The following CTNNA2 variants were observed in gnomAD, a reference collection of about 807,000 sequenced individuals.
The protein encoded by CTNNA2 is catenin alpha-2.
A neutral mutation model predicts 101.0 loss-of-function variants in CTNNA2; 42 were observed. The observed-to-expected ratio is 0.42, with a 90% CI of 0.32 to 0.54. The LOEUF is 0.54. CTNNA2 is among the 20% of genes least tolerant of loss of function. The pLI is 0.14. For missense variants in CTNNA2, 871 were observed against 1,223.1 expected, an observed-to-expected ratio of 0.71 and a Z score of 4.29; for synonymous variants, 450 against 456.4, an observed-to-expected ratio of 0.99 and a Z score of 0.18.
intron 2 of CTNNA2, among the ~76,000 whole-genome samples, chr2:79,219,711 T>C (rs922229925): frequency 2.0e-5 from 3 of 152,218 alleles, no homozygotes; most frequent in African/African-American, 7.2e-5. Context: ...ATAAAGTATC[T>C]GCAAGCTTAA....
At chr2:79,782,517 G>A (rs2902091) in intron 3 of CTNNA2, among the ~76,000 whole-genome samples, 41,258 of 152,052 alleles carry the variant, frequency 0.27, 6,135 homozygotes, top group East Asian at 0.51. Context: ...AATTACAGGC[G>A]TGAGCCACCG....
At chr2:80,376,466 GAA>G (rs5832451) in intron 7 of CTNNA2, among the ~76,000 whole-genome samples, 83 of 125,634 alleles carry the variant, frequency 6.6e-4, no homozygotes, top group African/African-American at 1.2e-3. Flanking sequence ...GTAGAAACAG[GAA>G]AAAAAAAAAA....
intron 1 of CTNNA2, among the ~76,000 whole-genome samples, chr2:79,569,771 A>G (rs535074407): frequency 1.3e-5 from 2 of 152,202 alleles, no homozygotes; most frequent in African/African-American, 4.8e-5. Context: ...TTACTTTTTT[A>G]AGTAAGTTAA....
chr2:80,241,652 C>A (rs1670952035), intron 7 of CTNNA2, among the ~76,000 whole-genome samples: 1 of 151,492 alleles, frequency 6.6e-6, no homozygotes, highest in African/African-American at 2.4e-5. Flanking sequence ...TAGGCCTATA[C>A]ATAATTTCTA....
At chr2:79,354,754 A>G (rs940935780) in intron 3 of CTNNA2, among the ~76,000 whole-genome samples, 4 of 152,156 alleles carry the variant, frequency 2.6e-5, no homozygotes, top group African/African-American at 9.7e-5. Flanking sequence ...ATTGCCCTGC[A>G]GTTGCTCCAC....
At chr2:79,390,440 C>A (rs1678159144) in intron 4 of CTNNA2, among the ~76,000 whole-genome samples, 1 of 152,146 alleles carries the variant, frequency 6.6e-6, no homozygotes, top group Non-Finnish European at 1.5e-5. Flanking sequence ...TCTCTTTCTT[C>A]AAATTGCAGT....
At position 80,184,509 on chromosome 2, in the gene CTNNA2, C is replaced by T. The variant is rs148653846; in HGVS notation, c.1057-208702C>T. 1.6e-3 allele frequency among the ~76,000 whole-genome samples: 238 copies of T among 152,198 alleles called. 1 individual carries two copies. Among genetic ancestry groups the T allele is most frequent in the African/African-American group, 5.4e-3 (223 of 41,528 alleles). Reference sequence around the variant, plus strand: ...GAAGCATGTTTGAATCAGGGGCCAACTAGAAGGAACAGTAGTATTGATGAA... The same window carrying T: ...GAAGCATGTTTGAATCAGGGGCCAATTAGAAGGAACAGTAGTATTGATGAA... On this transcript the variant is annotated intron_variant, in intron 7 of 18. Coordinates refer to ENST00000402739, the MANE Select transcript of CTNNA2 (RefSeq NM_001282597.3).
intron 18 of CTNNA2, among the ~76,000 whole-genome samples, chr2:80,633,556 T>C (rs1209549509): frequency 1.3e-5 from 2 of 152,146 alleles, no homozygotes; most frequent in African/African-American, 2.4e-5. Flanking sequence ...ATGGCATCAA[T>C]AGCCAGGAAT....
chr2:80,357,894 A>G (rs903676840), intron 7 of CTNNA2, among the ~76,000 whole-genome samples: 3 of 152,106 alleles, frequency 2.0e-5, no homozygotes, highest in Admixed American at 1.3e-4. Flanking sequence ...TTTTATTGAC[A>G]CTTGGTAATA....
At chr2:80,380,576 G>A (rs551575792) in intron 7 of CTNNA2, among the ~76,000 whole-genome samples, 3 of 152,146 alleles carry the variant, frequency 2.0e-5, no homozygotes, top group Admixed American at 6.5e-5. Context: ...AGATATATGC[G>A]CAATCTGAAA....
intron 7 of CTNNA2, among the ~76,000 whole-genome samples, chr2:80,034,370 T>C (rs1009142383): frequency 1.6e-5 from 2 of 126,588 alleles, no homozygotes; most frequent in African/African-American, 5.4e-5. Context: ...TTTTTTTTTT[T>C]TGATACGGAG....
At chr2:79,855,507 A>G (rs1234740952) in intron 3 of CTNNA2, among the ~76,000 whole-genome samples, 1 of 152,172 alleles carries the variant, frequency 6.6e-6, no homozygotes, top group African/African-American at 2.4e-5. Flanking sequence ...TTCTGGAATG[A>G]TGTTGGTTCA....
At chr2:79,615,896 G>A (rs939116546) in intron 1 of CTNNA2, among the ~76,000 whole-genome samples, 3 of 152,284 alleles carry the variant, frequency 2.0e-5, no homozygotes, top group South Asian at 4.1e-4. Flanking sequence ...TGTAAATCAC[G>A]TAAAAATATT....
chr2:80,237,419 G>A (rs552777243), intron 7 of CTNNA2, among the ~76,000 whole-genome samples: 1 of 152,250 alleles, frequency 6.6e-6, no homozygotes, highest in Non-Finnish European at 1.5e-5. Flanking sequence ...CTTACGATGG[G>A]TGTATTAGGA....
At chr2:79,875,922 T>C (rs1213865008) in intron 6 of CTNNA2, among the ~76,000 whole-genome samples, 1 of 152,164 alleles carries the variant, frequency 6.6e-6, no homozygotes, top group Admixed American at 6.5e-5. Flanking sequence ...TTTCATCATG[T>C]AAAATAAAGT....
intron 3 of CTNNA2, among the ~76,000 whole-genome samples, chr2:79,824,650 T>C (rs1485288766): frequency 6.6e-6 from 1 of 151,892 alleles, no homozygotes; most frequent in Non-Finnish European, 1.5e-5. Context: ...TTACACAAGA[T>C]ATTTTTTAAA....
At chr2:80,615,632 CGTT>C (rs1698791076) in intron 17 of CTNNA2, among the ~76,000 whole-genome samples, 1 of 151,468 alleles carries the variant, frequency 6.6e-6, no homozygotes, top group Non-Finnish European at 1.5e-5. Flanking sequence ...TCTGTGCATT[CGTT>C]GTTTTCTTGG....
intron 4 of CTNNA2, among the ~76,000 whole-genome samples, chr2:79,453,298 G>C (rs1477695782): frequency 6.6e-6 from 1 of 152,108 alleles, no homozygotes; most frequent in Non-Finnish European, 1.5e-5. Context: ...AGACTGAAAA[G>C]GAATAGCTCT....
chr2:79,487,580 C>A (rs916528805), intron 4 of CTNNA2, among the ~76,000 whole-genome samples: 2 of 152,164 alleles, frequency 1.3e-5, no homozygotes, highest in African/African-American at 2.4e-5. Flanking sequence ...AGGCCACGTG[C>A]AAGTGCTCCA....
Sources: allele counts gnomAD v4.1 joint callset (sites outside exome capture counted in the v4.1 genomes callset), GRCh38; gene constraint gnomAD v4.1.1; transcripts MANE v1.5; gene names NCBI Gene and HGNC (gene_info 2026-07-23, HGNC 2026-07-21).